Variants in PDE1C observed in about 807,000 individuals in gnomAD.
The protein encoded by PDE1C is dual specificity calcium/calmodulin-dependent 3',5'-cyclic nucleotide phosphodiesterase 1C.
PDE1C carries 62 observed loss-of-function variants against 93.1 expected under a neutral mutation model. That is an observed-to-expected ratio of 0.67 (90% CI 0.54 to 0.82). The LOEUF (loss-of-function observed/expected upper bound fraction) is 0.82. PDE1C is among the 40% of genes least tolerant of loss of function. The pLI is 0.00. For synonymous variants in PDE1C, 325 were observed against 310.1 expected (o/e 1.05, Z -0.50); for missense variants, 742 against 884.6 (o/e 0.84, Z 2.04).
At chr7:32,104,400 C>CT (rs1437268027) in intron 3 of PDE1C, among the ~76,000 whole-genome samples, 1 of 152,190 alleles carries the variant, frequency 6.6e-6, no homozygotes, top group Non-Finnish European at 1.5e-5. Flanking sequence ...CAACCTGGAG[C>CT]TTTATGCCTA....
the PDE1C span, among the ~76,000 whole-genome samples, chr7:31,639,450 T>G: frequency 6.6e-6 from 1 of 151,894 alleles, no homozygotes; most frequent in Admixed American, 6.6e-5. Context: ...TTTTTAAATA[T>G]CTTGCATATA....
chr7:31,640,629 T>G, the PDE1C span, among the ~76,000 whole-genome samples: 42,291 of 151,980 alleles, frequency 0.28, 6,755 homozygotes, highest in Non-Finnish European at 0.35. Context: ...CTGAGGTCCA[T>G]TGTCTCGAAA....
intron 1 of PDE1C, among the ~76,000 whole-genome samples, chr7:32,243,379 G>C (rs111469772): frequency 0.013 from 2,003 of 152,286 alleles, 51 homozygotes; most frequent in African/African-American, 0.046. Flanking sequence ...GCAGCTTGGG[G>C]TGATGCTTGT....
the PDE1C span, among the ~76,000 whole-genome samples, chr7:31,726,304 T>A: frequency 1.3e-5 from 2 of 152,180 alleles, no homozygotes; most frequent in Non-Finnish European, 2.9e-5. Flanking sequence ...GTGATCATCA[T>A]ACACTGGCCT....
chr7:31,988,784 C>T (rs577170292), intron 2 of PDE1C, among the ~76,000 whole-genome samples: 4 of 152,124 alleles, frequency 2.6e-5, no homozygotes, highest in African/African-American at 9.6e-5. Flanking sequence ...ATCATGAGGT[C>T]AGGAGATTGA....
the PDE1C span, among the ~76,000 whole-genome samples, chr7:31,703,781 G>C: frequency 1.3e-5 from 2 of 152,286 alleles, no homozygotes; most frequent in African/African-American, 4.8e-5. Flanking sequence ...ACTGGACAAG[G>C]ATCCAGTCTC....
At chr7:31,634,435 C>T in the PDE1C span, among the ~76,000 whole-genome samples, 6 of 152,080 alleles carry the variant, frequency 3.9e-5, no homozygotes, top group African/African-American at 1.2e-4. Context: ...ATTGCAACCC[C>T]ACAAGTAACA....
chr7:32,112,087 C>T (rs144639204), intron 3 of PDE1C, among the ~76,000 whole-genome samples: 243 of 152,276 alleles, frequency 1.6e-3, no homozygotes, highest in Middle Eastern at 6.8e-3. Flanking sequence ...CACTGAGAAT[C>T]ATAAGGGAAT....
At chr7:31,843,357 C>T (rs937533827) in intron 9 of PDE1C, among the ~76,000 whole-genome samples, 5 of 151,860 alleles carry the variant, frequency 3.3e-5, no homozygotes, top group Non-Finnish European at 1.5e-5. Context: ...TCAATTTTTA[C>T]ATTTTATGTT....
Position 32,341,173 on chromosome 7 carries a change from C to CTATTTT in PDE1C, c.310+86648_310+86649insAAAATA, listed in dbSNP as rs796122014. Among the ~76,000 whole-genome samples the CTATTTT allele has an allele frequency of 2.5e-4, 21 of 84,956 alleles. 3 individuals are homozygous for CTATTTT. Among genetic ancestry groups the CTATTTT allele is most frequent in the African/African-American group, 6.9e-4 (16 of 23,022 alleles). The allele number at this position is 84,956 out of a possible 152,430, so 55.7% of individuals were successfully genotyped here. ...CCTAAAACTACTCTAGAAATAAAGT[C>CTATTTT]TTTTTTTTTTTTTTTTTTTTGAGAC... On this transcript the variant is annotated intron_variant, in intron 1 of 1. Transcript: ENST00000672256.
At chr7:32,403,039 T>C (rs1179038031) in intron 1 of PDE1C, among the ~76,000 whole-genome samples, 2 of 152,056 alleles carry the variant, frequency 1.3e-5, no homozygotes, top group Admixed American at 1.3e-4. Flanking sequence ...CCACCCGAAA[T>C]AGAGGTGAGA....
intron 16 of PDE1C, among the ~76,000 whole-genome samples, chr7:31,791,653 T>C (rs1340497876): frequency 1.3e-5 from 2 of 152,030 alleles, no homozygotes; most frequent in Non-Finnish European, 2.9e-5. Context: ...TGACAGAAGG[T>C]TGGGTTTGAT....
chr7:32,165,590 A>C (rs2128801251), intron 3 of PDE1C, among the ~76,000 whole-genome samples: 1 of 152,290 alleles, frequency 6.6e-6, no homozygotes. Context: ...AAATGCCAGA[A>C]GCTTATGAAA....
chr7:31,632,891 T>C, the PDE1C span, among the ~76,000 whole-genome samples: 1 of 151,656 alleles, frequency 6.6e-6, no homozygotes, highest in Non-Finnish European at 1.5e-5. Context: ...TATTCATTCA[T>C]TTATTTATTT....
intron 2 of PDE1C, among the ~76,000 whole-genome samples, chr7:31,930,856 A>C (rs1200357168): frequency 2.0e-5 from 3 of 146,740 alleles, no homozygotes; most frequent in East Asian, 3.9e-4. Flanking sequence ...CTCAAAAAAA[A>C]AAAAAAAAAA....
At chr7:32,380,232 CT>C (rs898733851) in intron 1 of PDE1C, among the ~76,000 whole-genome samples, 150 of 148,820 alleles carry the variant, frequency 1.0e-3, no homozygotes, top group South Asian at 1.9e-3. Context: ...CTCTCTCTCT[CT>C]TTTTTTTTTA....
Position 31,873,331 on chromosome 7 carries a change from A to C in PDE1C, c.570T>G (p.Tyr190Ter). ...TCAGATCATAACGTGTGAGTAGTTCATAGAAAATAAATTTCAGTGCATGAT... is the reference window on the plus strand; with the variant it reads ...TCAGATCATAACGTGTGAGTAGTTCCTAGAAAATAAATTTCAGTGCATGAT... ...SGDHALKFIF[Y>*]ELLTRYDLIS... The change falls in exon 6 of 18, where the codon TAT becomes TAG. Residue 190 changes from tyrosine to a stop codon, truncating the protein, a stop_gained. Transcript: ENST00000396191. LOFTEE classifies it high-confidence loss of function. 1.9e-6 allele frequency: 3 copies of C among 1,613,758 alleles called. No homozygotes were observed. Among genetic ancestry groups the C allele is most frequent in the Non-Finnish European group, 2.5e-6 (3 of 1,179,664 alleles).
chr7:32,233,922 T>G (rs1424540078), intron 1 of PDE1C, among the ~76,000 whole-genome samples: 1 of 151,774 alleles, frequency 6.6e-6, no homozygotes, highest in Non-Finnish European at 1.5e-5. Flanking sequence ...CCTACCAAAC[T>G]TAAAAGAAAT....
chr7:32,273,470 T>A (rs1344090610), intron 1 of PDE1C, among the ~76,000 whole-genome samples: 1 of 152,200 alleles, frequency 6.6e-6, no homozygotes, highest in Non-Finnish European at 1.5e-5. Flanking sequence ...TCCCACTATT[T>A]CTTTAGCCAC....
Sources: allele counts gnomAD v4.1 joint callset (sites outside exome capture counted in the v4.1 genomes callset), GRCh38; gene constraint gnomAD v4.1.1; transcripts MANE v1.5; gene names NCBI Gene and HGNC (gene_info 2026-07-23, HGNC 2026-07-21).